Variants in PCDHA11 observed in about 807,000 individuals in gnomAD.
The protein encoded by PCDHA11 is protocadherin alpha-11.
PCDHA11 carries 61 observed loss-of-function variants against 70.3 expected under a neutral mutation model. The ratio of observed to expected loss-of-function variants is 0.87; its 90% confidence interval spans 0.71 to 1.07. PCDHA11 has a LOEUF of 1.07. PCDHA11 is among the 50% of genes least tolerant of loss of function. The probability of loss-of-function intolerance (pLI) is 0.00; values close to 1 mark genes in which losing one functional copy is unlikely to be tolerated. For missense variants in PCDHA11, 1,324 were observed against 1,237.5 expected (o/e 1.07, Z -1.05); for synonymous variants, 633 against 555.1 (o/e 1.14, Z -1.97).
At position 140,883,117 on chromosome 5, in the gene PCDHA11, G is replaced by T. The variant is rs782191143; in HGVS notation, c.2391+11623G>T. Reference sequence around the variant, plus strand: ...GAGATATAGTTTACTCATTTAGAAGGCCTGTATGGCCTGCAGTGGTATATG... The same window carrying T: ...GAGATATAGTTTACTCATTTAGAAGTCCTGTATGGCCTGCAGTGGTATATG... On this transcript the variant is annotated intron_variant, in intron 1 of 3. Transcript: ENST00000398640. 2.5e-6 allele frequency: 4 copies of T among 1,613,898 alleles called. No homozygotes were observed. Among genetic ancestry groups the T allele is most frequent in the Admixed American group, 3.3e-5 (2 of 59,964 alleles).
chr5:140,886,455 A>G (rs1554182545), intron 1 of PCDHA11, among the ~76,000 whole-genome samples: 1 of 152,186 alleles, frequency 6.6e-6, no homozygotes, highest in African/African-American at 2.4e-5. Flanking sequence ...ATTTTGTCAT[A>G]TATAAATGTT....
In PCDHA11 at chr5:140,960,243, G is replaced by A. The variant is rs531821446; in HGVS notation, c.2392-18706G>A. On this transcript the variant is annotated intron_variant, in intron 1 of 3. Coordinates refer to ENST00000398640, the MANE Select transcript of PCDHA11 (RefSeq NM_018902.5). The stretch of plus-strand genomic sequence containing the variant: ...AGAAACAGAGCCATGGTAAAAAGAA[G>A]CTTCCTGGAGCTTCTGATAAATTCC... 3.9e-5 allele frequency among the ~76,000 whole-genome samples: 6 copies of A among 152,270 alleles called. No individual in the cohort carries two copies. The East Asian group carries it at 1.2e-3, about 29-fold the overall frequency.
At chr5:140,923,877 C>T (rs555626217) in intron 1 of PCDHA11, among the ~76,000 whole-genome samples, 5 of 152,284 alleles carry the variant, frequency 3.3e-5, no homozygotes, top group East Asian at 1.9e-4. Flanking sequence ...ATCTGAGAAG[C>T]GTGTGAAAGA....
chr5:140,890,056 C>T (rs2062472126), intron 1 of PCDHA11, among the ~76,000 whole-genome samples: 1 of 152,124 alleles, frequency 6.6e-6, no homozygotes, highest in African/African-American at 2.4e-5. Flanking sequence ...GGAGCTGGCT[C>T]TTTTACTGGC....
chr5:141,008,654 C>T (rs1554261865), intron 3 of PCDHA11, among the ~76,000 whole-genome samples: 1 of 152,124 alleles, frequency 6.6e-6, no homozygotes, highest in Non-Finnish European at 1.5e-5. Context: ...TTCTGGAGTC[C>T]CACAATACTT....
chr5:140,946,221 A>G (rs1287007358), intron 1 of PCDHA11, among the ~76,000 whole-genome samples: 2 of 152,214 alleles, frequency 1.3e-5, no homozygotes, highest in Admixed American at 6.5e-5. Context: ...ACCAACAGGT[A>G]TACTAAAAAA....
intron 1 of PCDHA11, 81 bp from the exon 2 acceptor site, chr5:140,978,868 G>A: frequency 6.2e-7 from 1 of 1,606,078 alleles, no homozygotes; most frequent in Non-Finnish European, 8.5e-7. Context: ...ATATTTAAGG[G>A]AGTAACTAAT....
chr5:140,982,797 G>A (rs2097006142), intron 3 of PCDHA11, among the ~76,000 whole-genome samples: 1 of 151,640 alleles, frequency 6.6e-6, no homozygotes, highest in Admixed American at 6.6e-5. Context: ...ATGTGTGCAT[G>A]TGTGTGTGTG....
chr5:141,011,429 A>G lies in PCDHA11; in HGVS notation c.*1492A>G, dbSNP rs1554263477. ...TGTGTATGTGAATGTTAATGCAACT[A>G]TTACCTAGAGTGAACTTTAAGCTTT... On this transcript the variant is annotated 3_prime_UTR_variant, in exon 4 of 4. Coordinates refer to ENST00000398640, the MANE Select transcript of PCDHA11 (RefSeq NM_018902.5). 1.3e-5 allele frequency: 2 copies of G among 153,758 alleles called. No homozygotes were observed. Among genetic ancestry groups the G allele is most frequent in the Non-Finnish European group, 2.9e-5 (2 of 68,036 alleles). 9.5% of individuals were successfully genotyped at this position (153,758 alleles called of 1,614,324 possible).
Position 140,870,078 on chromosome 5 carries a change from G to A in PCDHA11, c.975G>A (p.Gly325=). The A allele has an allele frequency of 6.2e-7, 1 of 1,613,838 alleles. No individual in the cohort carries two copies. The highest frequency in any genetic ancestry group is 1.1e-5 in the South Asian group (1 of 91,072). Residue 325 remains glycine (G), a synonymous_variant, in exon 1 of 4, where the codon GGG becomes GGA. Coordinates refer to ENST00000398640, the MANE Select transcript of PCDHA11 (RefSeq NM_018902.5). Reference sequence around the variant, plus strand: ...TTGAAGTACAGGCTACAGATAAGGGGACTCCCCCAATGGCAGGTCACTGTA... The same window carrying A: ...TTGAAGTACAGGCTACAGATAAGGGAACTCCCCCAATGGCAGGTCACTGTA... ...YKIEVQATDK[G]TPPMAGHCTV...
intron 1 of PCDHA11, among the ~76,000 whole-genome samples, chr5:140,914,671 A>G (rs1012780806): frequency 2.6e-5 from 4 of 151,552 alleles, no homozygotes; most frequent in Non-Finnish European, 4.4e-5. Context: ...CTTCTTTTTC[A>G]TGAAAATAAT....
rs560557725 is a variant in PCDHA11, at chr5:141,005,418, G to T, written c.2540-4209G>T. Among the ~76,000 whole-genome samples, 149 of 152,250 alleles carry T rather than the reference G, an allele frequency of 9.8e-4. 1 individual carries two copies. The highest frequency in any genetic ancestry group is 3.5e-3 in the African/African-American group (145 of 41,544). On this transcript the variant is annotated intron_variant, in intron 3 of 3. Transcript: ENST00000398640. ...ACAGACTTGAAGAGTGAGGAGTCAT[G>T]CTAAGAATGGATGAGAGGCTCACGC...
intron 1 of PCDHA11, among the ~76,000 whole-genome samples, chr5:140,911,053 G>A (rs2075311912): frequency 6.6e-6 from 1 of 152,090 alleles, no homozygotes. Flanking sequence ...GGGGTGGTGG[G>A]GGGTGGGTCC....
chr5:140,921,941 A>G (rs1294349868), intron 1 of PCDHA11, among the ~76,000 whole-genome samples: 1 of 152,068 alleles, frequency 6.6e-6, no homozygotes, highest in Non-Finnish European at 1.5e-5. Context: ...ATAATTTTAC[A>G]CTTGTAAAAT....
At chr5:140,888,210 T>TTG (rs1325850915) in intron 1 of PCDHA11, among the ~76,000 whole-genome samples, 2 of 152,080 alleles carry the variant, frequency 1.3e-5, no homozygotes, top group Admixed American at 1.3e-4. Context: ...ATGCTGGATT[T>TTG]TGTGTGTGTG....
At chr5:140,956,885 T>C (rs1156888418) in intron 1 of PCDHA11, among the ~76,000 whole-genome samples, 1 of 152,194 alleles carries the variant, frequency 6.6e-6, no homozygotes, top group Non-Finnish European at 1.5e-5. Context: ...TAGATATCAA[T>C]GAATGAATAT....
intron 1 of PCDHA11, among the ~76,000 whole-genome samples, chr5:140,973,993 G>T (rs1554235720): frequency 6.6e-6 from 1 of 152,122 alleles, no homozygotes. Flanking sequence ...ACTTCACCTG[G>T]ATCAATGTTT....
chr5:140,996,737 T>G (rs887382236), intron 3 of PCDHA11, among the ~76,000 whole-genome samples: 3 of 152,166 alleles, frequency 2.0e-5, no homozygotes, highest in Non-Finnish European at 2.9e-5. Context: ...ACAAAAGTCA[T>G]AACAAATTAT....
chr5:140,979,999 C>G (rs1563478157), intron 2 of PCDHA11, among the ~76,000 whole-genome samples: 1 of 152,172 alleles, frequency 6.6e-6, no homozygotes, highest in African/African-American at 2.4e-5. Context: ...TTAACATACT[C>G]TCAAGCATTA....
Sources: allele counts gnomAD v4.1 joint callset (sites outside exome capture counted in the v4.1 genomes callset), GRCh38; gene constraint gnomAD v4.1.1; transcripts MANE v1.5; gene names NCBI Gene and HGNC (gene_info 2026-07-23, HGNC 2026-07-21).